RCSD1: variants seen among roughly 807,000 people sequenced by gnomAD.
The protein encoded by RCSD1 is capZ-interacting protein.
RCSD1 carries 26 observed loss-of-function variants against 42.5 expected under a neutral mutation model. That is an observed-to-expected ratio of 0.61 (90% CI 0.45 to 0.85). RCSD1 has a LOEUF of 0.85. Among genes scored for constraint, RCSD1 ranks in the 40% least tolerant of loss-of-function variants. RCSD1 has a pLI of 0.00. For synonymous variants in RCSD1, 220 were observed against 212.2 expected, an observed-to-expected ratio of 1.04 and a Z score of -0.32; for missense variants, 571 against 528.3, an observed-to-expected ratio of 1.08 and a Z score of -0.79.
chr1:167,685,510 G>C lies in RCSD1; in HGVS notation c.198G>C (p.Glu66Asp). 6.2e-7 allele frequency: 1 copy of C among 1,612,964 alleles called. No homozygotes were observed. The highest frequency in any genetic ancestry group is 8.5e-7 in the Non-Finnish European group (1 of 1,179,186). ...PKVDLGQNGEEKSPPNASHPP... is the reference protein window; with the variant it reads ...PKVDLGQNGEDKSPPNASHPP... ...TAGACCTGGGCCAGAATGGTGAGGA[G>C]GTAAGTGCTGCTGTTGGGGCTCAGA... The change falls in exon 3 of 7, where the codon GAG becomes GAC. Residue 66 changes from glutamate (E) to aspartate (D), a missense_variant and splice_region_variant. By Grantham distance (45) the Glu-to-Asp change is conservative. Transcript: ENST00000367854.
intron 1 of RCSD1, among the ~76,000 whole-genome samples, chr1:167,639,612 C>T (rs967409860): frequency 1.3e-5 from 2 of 152,208 alleles, no homozygotes; most frequent in African/African-American, 4.8e-5. Context: ...CCTGCCTCAG[C>T]CTCCCAAGTA....
At chr1:167,645,315 C>T (rs910914008) in intron 1 of RCSD1, among the ~76,000 whole-genome samples, 1 of 152,128 alleles carries the variant, frequency 6.6e-6, no homozygotes, top group African/African-American at 2.4e-5. Context: ...TGCATTTGTT[C>T]CACAAATATT....
chr1:167,689,949 C>A (rs1558090972), intron 3 of RCSD1, 100 bp from the exon 4 acceptor site: 2 of 1,156,496 alleles, frequency 1.7e-6, no homozygotes, highest in African/African-American at 1.5e-5. Flanking sequence ...GTGGCAACAC[C>A]AACTTCTCTT....
At chr1:167,654,767 C>A (rs1658385663) in intron 1 of RCSD1, among the ~76,000 whole-genome samples, 1 of 152,142 alleles carries the variant, frequency 6.6e-6, no homozygotes, top group South Asian at 2.1e-4. Context: ...ATAATCTCTT[C>A]CCACAGTCGA....
rs1659530049 is a variant in RCSD1 at position 167,697,506 on chromosome 1, T to C, written c.882T>C (p.Asn294=). 1 of 1,605,598 alleles carries C rather than the reference T, an allele frequency of 6.2e-7. No individual in the cohort carries two copies. Among genetic ancestry groups the C allele is most frequent in the African/African-American group, 1.3e-5 (1 of 74,178 alleles). Residue 294 remains asparagine, a synonymous_variant, in exon 6 of 7, where the codon AAT becomes AAC. Transcript: ENST00000367854. ...SPQTSGPEAE[N]RCGSPREEKP... ...AGACCTCTGGCCCAGAGGCAGAAAA[T>C]AGGTGTGGGAGCCCCAGGGAGGAAA...
At chr1:167,647,185 G>A (rs1288420810) in intron 1 of RCSD1, among the ~76,000 whole-genome samples, 1 of 151,086 alleles carries the variant, frequency 6.6e-6, no homozygotes, top group Non-Finnish European at 1.5e-5. Context: ...TGTCCATTAG[G>A]CACATGTCTT....
At chr1:167,658,826 T>C (rs1197662904) in intron 1 of RCSD1, among the ~76,000 whole-genome samples, 5 of 152,078 alleles carry the variant, frequency 3.3e-5, no homozygotes, top group African/African-American at 1.2e-4. Flanking sequence ...GTCTCTAGTG[T>C]TTTGCTGCTG....
At chr1:167,638,875 T>G (rs1159143270) in intron 1 of RCSD1, among the ~76,000 whole-genome samples, 1 of 152,120 alleles carries the variant, frequency 6.6e-6, no homozygotes, top group Non-Finnish European at 1.5e-5. Context: ...CATAAGCAAT[T>G]TACCAATGGT....
chr1:167,701,024 C>A (rs1659624495), intron 6 of RCSD1, among the ~76,000 whole-genome samples: 1 of 152,192 alleles, frequency 6.6e-6, no homozygotes, highest in Non-Finnish European at 1.5e-5. Context: ...AGCTCTGGGG[C>A]AGGCTCACTG....
At chr1:167,691,465 A>G (rs1659376249) in intron 4 of RCSD1, among the ~76,000 whole-genome samples, 1 of 152,242 alleles carries the variant, frequency 6.6e-6, no homozygotes, top group South Asian at 2.1e-4. Context: ...AGAGGCAGGC[A>G]TGTTATGTCC....
intron 1 of RCSD1, among the ~76,000 whole-genome samples, chr1:167,647,232 C>T (rs973912342): frequency 2.6e-5 from 4 of 151,894 alleles, no homozygotes; most frequent in African/African-American, 9.7e-5. Flanking sequence ...GCAGGTTCCA[C>T]AGCAAGCAAT....
At chr1:167,694,563 C>A (rs1191705343) in intron 5 of RCSD1, among the ~76,000 whole-genome samples, 1 of 152,250 alleles carries the variant, frequency 6.6e-6, no homozygotes, top group East Asian at 1.9e-4. Flanking sequence ...TGGGGGATGG[C>A]GTGCTCTCTC....
At chr1:167,644,262 C>T (rs1343820317) in intron 1 of RCSD1, among the ~76,000 whole-genome samples, 1 of 152,062 alleles carries the variant, frequency 6.6e-6, no homozygotes, top group Non-Finnish European at 1.5e-5. Context: ...GGCCGATCAC[C>T]TGAGATCAGG....
chr1:167,668,193 G>A (rs571036734), intron 1 of RCSD1, among the ~76,000 whole-genome samples: 1 of 152,088 alleles, frequency 6.6e-6, no homozygotes, highest in Admixed American at 6.5e-5. Flanking sequence ...GCTGCGGCAG[G>A]AGAATCGCTT....
At chr1:167,686,420 A>C (rs1659238301) in intron 3 of RCSD1, among the ~76,000 whole-genome samples, 2 of 152,186 alleles carry the variant, frequency 1.3e-5, no homozygotes, top group African/African-American at 2.4e-5. Flanking sequence ...TCTCATCTAT[A>C]AAGTGAAACA....
At position 167,697,547 on chromosome 1, in the gene RCSD1, A is replaced by G. The variant is rs1310065421; in HGVS notation, c.923A>G (p.Glu308Gly). 6.2e-7 allele frequency: 1 copy of G among 1,606,696 alleles called. No homozygotes were observed. Among genetic ancestry groups the G allele is most frequent in the Non-Finnish European group, 8.5e-7 (1 of 1,176,628 alleles). Residue 308 changes from glutamate (E) to glycine (G), a missense_variant, in exon 6 of 7, where the codon GAA (glutamate) becomes GGA (glycine). Physicochemically the swap from Glu to Gly is moderately conservative, Grantham distance 98 (BLOSUM62 -2). Coordinates refer to ENST00000367854, the MANE Select transcript of RCSD1 (RefSeq NM_052862.4). ...SPREEKPAGE[E>G]AEMEKATEVK... is the part of the protein sequence containing the mutation. ...AGGGAGGAAAAGCCAGCTGGAGAGG[A>G]AGCAGAGATGGAAAAGGCTACAGAG...
At chr1:167,676,133 T>C (rs1658946351) in intron 1 of RCSD1, among the ~76,000 whole-genome samples, 1 of 152,214 alleles carries the variant, frequency 6.6e-6, no homozygotes, top group African/African-American at 2.4e-5. Flanking sequence ...CATTCCGTTT[T>C]ACAGATAGGC....
intron 3 of RCSD1, among the ~76,000 whole-genome samples, chr1:167,687,692 C>T (rs1211713995): frequency 2.0e-5 from 3 of 152,196 alleles, no homozygotes; most frequent in Admixed American, 6.5e-5. Flanking sequence ...GGGAGGGACC[C>T]GGTCAGGCTA....
intron 1 of RCSD1, among the ~76,000 whole-genome samples, chr1:167,675,487 C>G (rs114933015): frequency 0.013 from 2,032 of 152,196 alleles, 47 homozygotes; most frequent in African/African-American, 0.047. Flanking sequence ...CCCACCTGGT[C>G]CCTCCTATTA....
Sources: gnomAD v4.1 joint callset for allele counts (sites outside exome capture counted in the v4.1 genomes callset) on GRCh38, gnomAD v4.1.1 for gene constraint, MANE v1.5 for transcripts, NCBI Gene and HGNC (gene_info 2026-07-23, HGNC 2026-07-21) for gene names.